Variants in NIPAL2 observed in about 807,000 individuals in gnomAD.
NIPAL2 encodes NIPA like domain containing 2, also known as NIPA-like protein 2.
A neutral mutation model predicts 48.9 loss-of-function variants in NIPAL2; 43 were observed. That is an observed-to-expected ratio of 0.88 (90% CI 0.69 to 1.13). The LOEUF (loss-of-function observed/expected upper bound fraction) is 1.13, where lower values mean the gene tolerates loss of function less well. NIPAL2 is among the 50% of genes most tolerant of loss of function. NIPAL2 has a pLI of 0.00. For synonymous variants in NIPAL2, 167 were observed against 174.6 expected (o/e 0.96, Z 0.34); for missense variants, 446 against 461.4 (o/e 0.97, Z 0.31).
intron 1 of NIPAL2, among the ~76,000 whole-genome samples, chr8:98,263,548 C>T (rs1009731345): frequency 2.7e-5 from 4 of 150,048 alleles, no homozygotes; most frequent in South Asian, 2.1e-4. Context: ...ATAAATTCCT[C>T]GACACATACA....
chr8:98,260,522 G>A (rs1490655626), intron 1 of NIPAL2, among the ~76,000 whole-genome samples: 1 of 152,174 alleles, frequency 6.6e-6, no homozygotes, highest in Admixed American at 6.5e-5. Context: ...GTGACGGACG[G>A]CACCTGGAAA....
chr8:98,266,249 A>C (rs1441831928), intron 1 of NIPAL2, among the ~76,000 whole-genome samples: 1 of 149,430 alleles, frequency 6.7e-6, no homozygotes, highest in Non-Finnish European at 1.5e-5. Flanking sequence ...AACCTGCACA[A>C]TGTGCACATG....
At chr8:98,213,799 C>T (rs901331524) in intron 5 of NIPAL2, among the ~76,000 whole-genome samples, 11 of 152,184 alleles carry the variant, frequency 7.2e-5, no homozygotes, top group African/African-American at 2.4e-4. Flanking sequence ...AACAGAGCCA[C>T]TCATTATCCT....
chr8:98,277,269 C>G (rs1359648238), intron 1 of NIPAL2, among the ~76,000 whole-genome samples: 3 of 151,998 alleles, frequency 2.0e-5, no homozygotes, highest in Non-Finnish European at 2.9e-5. Context: ...TGGCTCAAGC[C>G]TGTAATTGCA....
chr8:98,194,572 C>A (rs1810456352), intron 10 of NIPAL2, among the ~76,000 whole-genome samples, 156 bp downstream of exon 10: 1 of 152,134 alleles, frequency 6.6e-6, no homozygotes, highest in Non-Finnish European at 1.5e-5. Context: ...TTATTAGAAA[C>A]ATTTACACTG....
rs114865830 is a variant in NIPAL2 at position 98,232,171 on chromosome 8, G to A, written c.436+3984C>T. Among the ~76,000 whole-genome samples, 1,050 of 152,280 alleles carry A rather than the reference G, an allele frequency of 6.9e-3. 15 individuals are homozygous for A. Among genetic ancestry groups the A allele is most frequent in the African/African-American group, 0.024 (1,001 of 41,564 alleles). On this transcript the variant is annotated intron_variant, in intron 4 of 10. Transcript: ENST00000430223. ...TGAAGTGGGTTACGACATCTCAGATGATGATAATCTTAGGATATCGCTTGT... is the reference window on the plus strand; with the variant it reads ...TGAAGTGGGTTACGACATCTCAGATAATGATAATCTTAGGATATCGCTTGT...
rs533222424 is a variant in NIPAL2 at position 98,240,522 on chromosome 8, T to C, written c.377-4308A>G. 2.0e-5 allele frequency among the ~76,000 whole-genome samples: 3 copies of C among 152,294 alleles called. No homozygotes were observed. The South Asian group carries it at 6.2e-4, about 32-fold the overall frequency. On this transcript the variant is annotated intron_variant, in intron 3 of 10. Transcript: ENST00000430223. The stretch of plus-strand genomic sequence containing the variant: ...GTGACACCCTTTCCCTACAAGCTTA[T>C]CAACAAGTGATGGCGGATGGTGCTA...
At chr8:98,288,986 G>T (rs1816348170) in intron 1 of NIPAL2, among the ~76,000 whole-genome samples, 1 of 152,150 alleles carries the variant, frequency 6.6e-6, no homozygotes, top group Non-Finnish European at 1.5e-5. Context: ...ACCCAAGTGT[G>T]TGCTCCCAAA....
chr8:98,218,278 C>G (rs1811670967), intron 5 of NIPAL2, among the ~76,000 whole-genome samples: 1 of 152,136 alleles, frequency 6.6e-6, no homozygotes, highest in Non-Finnish European at 1.5e-5. Context: ...GTTGGTAAGG[C>G]TTCAAGTCTG....
chr8:98,202,898 C>G (rs993034254), intron 8 of NIPAL2, among the ~76,000 whole-genome samples: 4 of 152,144 alleles, frequency 2.6e-5, no homozygotes, highest in African/African-American at 4.8e-5. Context: ...TGAGAGTGAT[C>G]CAAAGCAGGA....
chr8:98,203,014 C>A, intron 8 of NIPAL2, 94 bp downstream of exon 8: 1 of 988,640 alleles, frequency 1.0e-6, no homozygotes, highest in Non-Finnish European at 1.6e-6. Flanking sequence ...AACACAGATC[C>A]TTACAACCTA....
At position 98,190,447 on chromosome 8, in the gene NIPAL2, C is replaced by A. The variant is rs546582333; in HGVS notation, c.*2531G>T. ...AAGTGATTCTCCTGCCTCAGCCTCCCAGGTAGCTGGGACTCCAGGCACCCA... is the reference window on the plus strand; with the variant it reads ...AAGTGATTCTCCTGCCTCAGCCTCCAAGGTAGCTGGGACTCCAGGCACCCA... On this transcript the variant is annotated 3_prime_UTR_variant, in exon 11 of 11. Transcript: ENST00000430223. The A allele has an allele frequency of 2.2e-4, 33 of 153,028 alleles. No homozygotes were observed. The highest frequency in any genetic ancestry group is 1.7e-3 in the Admixed American group (26 of 15,320). 9.5% of individuals were successfully genotyped at this position (153,028 alleles called of 1,614,324 possible). A position where few individuals can be genotyped will look rare whatever the true frequency, so the allele number is the denominator to read the frequency against.
chr8:98,292,453 G>A (rs1374527454), intron 1 of NIPAL2, among the ~76,000 whole-genome samples: 1 of 152,200 alleles, frequency 6.6e-6, no homozygotes, highest in Non-Finnish European at 1.5e-5. Flanking sequence ...TCTCAAACCA[G>A]CAAAGTTTAG....
chr8:98,228,664 C>G (rs1812294610), intron 4 of NIPAL2, among the ~76,000 whole-genome samples: 1 of 152,098 alleles, frequency 6.6e-6, no homozygotes, highest in African/African-American at 2.4e-5. Context: ...AGATCCATCT[C>G]AGGATGCATC....
chr8:98,218,340 G>C (rs962558702), intron 5 of NIPAL2, among the ~76,000 whole-genome samples: 2 of 152,192 alleles, frequency 1.3e-5, no homozygotes, highest in Non-Finnish European at 2.9e-5. Flanking sequence ...AAATCACAGA[G>C]ATTAGAACTC....
chr8:98,215,426 C>T (rs189554377), intron 5 of NIPAL2, among the ~76,000 whole-genome samples: 53 of 152,170 alleles, frequency 3.5e-4, no homozygotes, highest in Middle Eastern at 6.8e-3. Context: ...CTGCAGGTTG[C>T]GGTGCCCCAG....
chr8:98,245,383 T>C (rs894159991), intron 3 of NIPAL2, among the ~76,000 whole-genome samples: 9 of 152,204 alleles, frequency 5.9e-5, no homozygotes, highest in African/African-American at 2.2e-4. Flanking sequence ...ATATGTCAGT[T>C]TGAAAAATGT....
At chr8:98,263,986 C>G (rs1220050921) in intron 1 of NIPAL2, among the ~76,000 whole-genome samples, 1 of 143,168 alleles carries the variant, frequency 7.0e-6, no homozygotes, top group Non-Finnish European at 1.5e-5. Flanking sequence ...ATACGCAAAT[C>G]AATAAATGTA....
At position 98,282,841 on chromosome 8, in the gene NIPAL2, C is replaced by T. The variant is rs895108292; in HGVS notation, c.135+11162G>A. On this transcript the variant is annotated intron_variant, in intron 1 of 10. Transcript: ENST00000430223. Reference sequence around the variant, plus strand: ...AGTTGTCTGCAATACTAACACAAACCGAGTTAAAACTATAATCCTATATGT... The same window carrying T: ...AGTTGTCTGCAATACTAACACAAACTGAGTTAAAACTATAATCCTATATGT... Among the ~76,000 whole-genome samples the T allele has an allele frequency of 3.4e-4, 51 of 152,040 alleles. 2 individuals are homozygous for T. Among genetic ancestry groups the T allele is most frequent in the South Asian group, 2.1e-4 (1 of 4,826 alleles).
Sources: allele counts gnomAD v4.1 joint callset (sites outside exome capture counted in the v4.1 genomes callset), GRCh38; gene constraint gnomAD v4.1.1; transcripts MANE v1.5; gene names NCBI Gene and HGNC (gene_info 2026-07-23, HGNC 2026-07-21).